FAM89A: variants seen among roughly 807,000 people sequenced by gnomAD.
The protein encoded by FAM89A is protein FAM89A.
FAM89A carries 10 observed loss-of-function variants against 7.1 expected under a neutral mutation model. The ratio of observed to expected loss-of-function variants is 1.40; its 90% CI spans 0.86 to 2.38. The LOEUF is 2.38. FAM89A is among the 30% of genes most tolerant of loss of function. The probability of loss-of-function intolerance (pLI) is 0.00; values close to 1 mark genes in which losing one functional copy is unlikely to be tolerated. For missense variants in FAM89A, 276 were observed against 262.8 expected (o/e 1.05, Z -0.35); for synonymous variants, 157 against 129.3 (o/e 1.21, Z -1.45).
intron 1 of FAM89A, chr1:231,021,939 C>A: frequency 1.4e-6 from 2 of 1,447,578 alleles, no homozygotes; most frequent in Non-Finnish European, 1.9e-6. Flanking sequence ...TATGTGACTA[C>A]CCACACTTCC....
Position 231,019,803 on chromosome 1 carries a change from A to G in FAM89A, c.*60T>C, listed in dbSNP as rs1377246375. 2 of 1,561,218 alleles carry G rather than the reference A, an allele frequency of 1.3e-6. No homozygotes were observed. Among genetic ancestry groups the G allele is most frequent in the Admixed American group, 3.6e-5 (2 of 55,692 alleles). On this transcript the variant is annotated 3_prime_UTR_variant, in exon 2 of 2. Transcript: ENST00000366654. ...TGCTTTCTTGCAAGAGAAGCAGCAA[A>G]TGATGACAGCGTGTCCAGTAGGAAG...
rs574076749 is a variant in FAM89A, at chr1:231,039,693, A to G, written c.291+228T>C. 1.2e-3 allele frequency among the ~76,000 whole-genome samples: 179 copies of G among 152,198 alleles called. 1 individual carries two copies. The highest frequency in any genetic ancestry group is 4.1e-3 in the African/African-American group (172 of 41,560). On this transcript the variant is annotated intron_variant, in intron 1 of 1. Coordinates refer to ENST00000366654, the MANE Select transcript of FAM89A (RefSeq NM_198552.3). ...GGCCGGACTGAGGGCGCCGGGCATA[A>G]GAAAGCCGCCCTCTGCGCGCGGGGC...
intron 1 of FAM89A, chr1:231,028,772 G>C (rs532834892): frequency 6.6e-6 from 1 of 152,344 alleles, no homozygotes; most frequent in African/African-American, 2.4e-5. Context: ...CTCTGCTCAG[G>C]CTTCCTGCTT....
At chr1:231,039,854 C>T in intron 1 of FAM89A, 67 bp downstream of exon 1, 1 of 1,261,864 alleles carries the variant, frequency 7.9e-7, no homozygotes, top group Middle Eastern at 3.1e-4. Context: ...AGAGCGCGGT[C>T]CCCGCGAACT....
intron 1 of FAM89A, chr1:231,026,071 T>TC (rs1553308713): frequency 7.2e-6 from 1 of 138,512 alleles, no homozygotes; most frequent in African/African-American, 2.7e-5. Flanking sequence ...GCTCAGCTCC[T>TC]AAAAAAAAAA....
chr1:231,039,817 G>A (rs1680226954), intron 1 of FAM89A, 104 bp downstream of exon 1: 1 of 1,146,474 alleles, frequency 8.7e-7, no homozygotes, highest in Non-Finnish European at 1.1e-6. Context: ...AGCCCGAAAG[G>A]GCGGGTGGGC....
chr1:231,038,665 G>A (rs1017192620), intron 1 of FAM89A, among the ~76,000 whole-genome samples: 1 of 152,142 alleles, frequency 6.6e-6, no homozygotes, highest in Admixed American at 6.5e-5. Context: ...AGTGAGAATT[G>A]GAAATCACTT....
chr1:231,038,533 T>C (rs1286170235), intron 1 of FAM89A, among the ~76,000 whole-genome samples: 4 of 152,262 alleles, frequency 2.6e-5, no homozygotes, highest in Non-Finnish European at 5.9e-5. Context: ...CGTGTAGATT[T>C]ATCTAATTAA....
chr1:231,035,393 G>T (rs11122198), intron 1 of FAM89A, among the ~76,000 whole-genome samples: 1 of 151,904 alleles, frequency 6.6e-6, no homozygotes, highest in Admixed American at 6.6e-5. Context: ...AAAATGAGGC[G>T]AAGAGATTCC....
intron 1 of FAM89A, among the ~76,000 whole-genome samples, chr1:231,024,913 T>TC (rs1679938238): frequency 8.0e-6 from 1 of 124,718 alleles, no homozygotes; most frequent in African/African-American, 3.0e-5. Flanking sequence ...CCACAACTAC[T>TC]CTTTTTTTTT....
At chr1:231,029,390 G>A (rs1365823985) in intron 1 of FAM89A, among the ~76,000 whole-genome samples, 1 of 152,060 alleles carries the variant, frequency 6.6e-6, no homozygotes, top group Admixed American at 6.6e-5. Flanking sequence ...TACTTGGGAG[G>A]CTGAGGTGGG....
chr1:231,021,684 C>G, intron 1 of FAM89A: 5 of 1,582,842 alleles, frequency 3.2e-6, no homozygotes, highest in Non-Finnish European at 4.3e-6. Context: ...GAAGCAACCT[C>G]CACCCCTGAG....
At chr1:231,032,438 C>T (rs1680091527) in intron 1 of FAM89A, among the ~76,000 whole-genome samples, 1 of 141,934 alleles carries the variant, frequency 7.0e-6, no homozygotes, top group Admixed American at 7.7e-5. Context: ...TCTCCAAACC[C>T]TCACTGTGAC....
At chr1:231,035,871 C>T (rs950665131) in intron 1 of FAM89A, among the ~76,000 whole-genome samples, 25 of 152,366 alleles carry the variant, frequency 1.6e-4, no homozygotes, top group Admixed American at 1.5e-3. Flanking sequence ...CAGTGTCCGA[C>T]TCCATCCACA....
At chr1:231,027,198 T>A (rs1439455103) in intron 1 of FAM89A, among the ~76,000 whole-genome samples, 3 of 152,088 alleles carry the variant, frequency 2.0e-5, no homozygotes, top group Admixed American at 2.0e-4. Flanking sequence ...GACAGTGCCA[T>A]TTCCAAGGTA....
intron 1 of FAM89A, among the ~76,000 whole-genome samples, chr1:231,032,394 C>T (rs1207554939): frequency 7.8e-6 from 1 of 128,268 alleles, no homozygotes; most frequent in Non-Finnish European, 1.7e-5. Context: ...CAGCCCCCAC[C>T]CCCCACCCCC....
intron 1 of FAM89A, among the ~76,000 whole-genome samples, chr1:231,025,068 G>A (rs140343236): frequency 0.047 from 7,174 of 151,916 alleles, 200 homozygotes; most frequent in South Asian, 0.099. Context: ...GACTACAGGC[G>A]CTCGCCACTA....
chr1:231,024,562 A>C (rs1227827587), intron 1 of FAM89A, among the ~76,000 whole-genome samples: 1 of 145,736 alleles, frequency 6.9e-6, no homozygotes, highest in Non-Finnish European at 1.5e-5. Context: ...TTAGAGATGG[A>C]GTCTTGCTTT....
At chr1:231,035,290 A>C (rs1680141435) in intron 1 of FAM89A, among the ~76,000 whole-genome samples, 1 of 152,210 alleles carries the variant, frequency 6.6e-6, no homozygotes, top group Non-Finnish European at 1.5e-5. Context: ...AATTCTTTAC[A>C]CAACATTGCA....
Sources: allele counts gnomAD v4.1 joint callset (sites outside exome capture counted in the v4.1 genomes callset), GRCh38; gene constraint gnomAD v4.1.1; transcripts MANE v1.5; gene names NCBI Gene and HGNC (gene_info 2026-07-23, HGNC 2026-07-21).